Variants in REV1 observed in about 807,000 individuals in gnomAD.
The protein encoded by REV1 is REV1 DNA directed polymerase.
A neutral mutation model predicts 137.4 loss-of-function variants in REV1; 42 were observed. That is an observed-to-expected ratio of 0.31 (90% confidence interval 0.24 to 0.40). The LOEUF (loss-of-function observed/expected upper bound fraction) is 0.40, where lower values mean the gene tolerates loss of function less well. REV1 is among the 10% of genes least tolerant of loss of function. The pLI, the probability that REV1 is intolerant of heterozygous loss-of-function variation, is 1.00. For missense variants in REV1, 1,282 were observed against 1,490.1 expected, an observed-to-expected ratio of 0.86 and a Z score of 2.30; for synonymous variants, 524 against 519.2, an observed-to-expected ratio of 1.01 and a Z score of -0.12.
At chr2:99,402,034 TC>T (rs755045750) in intron 22 of REV1, among the ~76,000 whole-genome samples, 13 of 152,198 alleles carry the variant, frequency 8.5e-5, no homozygotes, top group Non-Finnish European at 1.6e-4. Flanking sequence ...CCAGCCCACT[TC>T]CTATGGTTTT....
At chr2:99,442,265 A>AG in intron 5 of REV1, 52 bp downstream of exon 5, 1 of 1,382,024 alleles carries the variant, frequency 7.2e-7, no homozygotes, top group East Asian at 2.5e-5. Context: ...AAAAAAAAAA[A>AG]AAAAAAAAAA....
intron 1 of REV1, among the ~76,000 whole-genome samples, chr2:99,470,685 C>G (rs953153288): frequency 6.6e-6 from 1 of 152,180 alleles, no homozygotes; most frequent in African/African-American, 2.4e-5. Context: ...GCCTTTGCCT[C>G]TTTTAAAACA....
intron 2 of REV1, among the ~76,000 whole-genome samples, chr2:99,463,990 A>G (rs920117014): frequency 6.6e-6 from 1 of 152,184 alleles, no homozygotes; most frequent in Non-Finnish European, 1.5e-5. Flanking sequence ...GAATTATTTC[A>G]GGTAAAAATG....
intron 9 of REV1, 139 bp from the exon 10 acceptor site, chr2:99,424,419 G>T: frequency 1.1e-6 from 1 of 927,568 alleles, no homozygotes; most frequent in Non-Finnish European, 1.6e-6. Context: ...TTAAAGATAG[G>T]CATTAAAATT....
intron 1 of REV1, among the ~76,000 whole-genome samples, chr2:99,483,476 T>C (rs1347736668): frequency 6.6e-6 from 1 of 152,130 alleles, no homozygotes; most frequent in Non-Finnish European, 1.5e-5. Flanking sequence ...CACAACCAAC[T>C]TTTTTTGCCC....
chr2:99,471,942 GC>G (rs1685469806), intron 1 of REV1, among the ~76,000 whole-genome samples: 1 of 150,278 alleles, frequency 6.7e-6, no homozygotes, highest in African/African-American at 2.5e-5. Flanking sequence ...AAGAAATTGG[GC>G]CCCCGAGCCC....
intron 2 of REV1, 33 bp downstream of exon 2, chr2:99,464,889 C>T (rs754005416): frequency 2.2e-5 from 35 of 1,588,280 alleles, no homozygotes; most frequent in South Asian, 3.3e-5. Context: ...CTAGACAGTT[C>T]GATATAATTA....
At position 99,435,857 on chromosome 2, in the gene REV1, A is replaced by G. The variant is rs1186955218; in HGVS notation, c.1298T>C (p.Ile433Thr). The G allele has an allele frequency of 6.3e-7, 1 of 1,596,366 alleles. No homozygotes were observed. Among genetic ancestry groups the G allele is most frequent in the Non-Finnish European group, 8.6e-7 (1 of 1,165,048 alleles). The change falls in exon 7 of 23, where the codon ATA becomes ACA. Residue 433 changes from isoleucine (I) to threonine (T), a missense_variant. This residue lies in a region of REV1 where 432 missense variants were observed against 438.0 expected (regional missense o/e 0.99). Coordinates refer to ENST00000258428, the MANE Select transcript of REV1 (RefSeq NM_016316.4). ...DMDCFFVSVGIRNRPDLKGKP... is the reference protein window; with the variant it reads ...DMDCFFVSVGTRNRPDLKGKP... The stretch of plus-strand genomic sequence containing the variant: ...ACCTTTGAGATCTGGTCTATTTCGT[A>G]TACCCACTGATACAAAGAAGCAATC...
At chr2:99,407,962 GAGCA>G (rs1305923776) in intron 15 of REV1, 63 bp downstream of exon 15, 2 of 962,830 alleles carry the variant, frequency 2.1e-6, no homozygotes, top group Non-Finnish European at 3.0e-6. Context: ...ACCCTTTTGA[GAGCA>G]AGCCTCAAAA....
At chr2:99,427,771 A>AT (rs922893737) in intron 9 of REV1, among the ~76,000 whole-genome samples, 8 of 149,850 alleles carry the variant, frequency 5.3e-5, no homozygotes, top group African/African-American at 1.5e-4. Context: ...TTACGGCTGC[A>AT]TTTTTTTTTT....
chr2:99,433,477 G>C (rs1318456561), intron 8 of REV1, among the ~76,000 whole-genome samples: 3 of 152,100 alleles, frequency 2.0e-5, no homozygotes, highest in Non-Finnish European at 4.4e-5. Context: ...CCCAAAAAAG[G>C]TCCTCAGAGA....
intron 12 of REV1, among the ~76,000 whole-genome samples, chr2:99,418,053 C>T (rs993572833): frequency 2.6e-5 from 4 of 152,114 alleles, no homozygotes; most frequent in East Asian, 1.9e-4. Context: ...CCATTTCTGT[C>T]GTTTAATATT....
At chr2:99,467,576 C>G (rs1684947367) in intron 1 of REV1, among the ~76,000 whole-genome samples, 1 of 152,148 alleles carries the variant, frequency 6.6e-6, no homozygotes, top group South Asian at 2.1e-4. Context: ...GGCTGGGAGA[C>G]TGGGCAAAGT....
chr2:99,439,846 T>G (rs1157159751), intron 5 of REV1, among the ~76,000 whole-genome samples: 1 of 152,220 alleles, frequency 6.6e-6, no homozygotes, highest in Non-Finnish European at 1.5e-5. Context: ...ATTCCTAGTT[T>G]TAGTTTTTAT....
At chr2:99,465,055 A>G in intron 1 of REV1, 70 bp from the exon 2 acceptor site, 1 of 1,240,206 alleles carries the variant, frequency 8.1e-7, no homozygotes, top group Non-Finnish European at 1.2e-6. Context: ...ATTTTATTTC[A>G]ATATCAAGAA....
At chr2:99,460,370 T>A (rs1045711609) in intron 3 of REV1, among the ~76,000 whole-genome samples, 1 of 152,170 alleles carries the variant, frequency 6.6e-6, no homozygotes, top group African/African-American at 2.4e-5. Flanking sequence ...CCACCGTGCC[T>A]GGCCTGAAAA....
rs1476936133 is a variant in REV1, at chr2:99,489,977, C to A, written c.-171G>T. The stretch of plus-strand genomic sequence containing the variant: ...CAGCGCCGCGGTCCACGCTCCCCCA[C>A]GCTCGCGGCAACCAACCCCGCGCGC... On this transcript the variant is annotated 5_prime_UTR_variant, in exon 1 of 23. Transcript: ENST00000258428. 3 of 150,110 alleles carry A rather than the reference C, an allele frequency of 2.0e-5. No individual in the cohort carries two copies. The highest frequency in any genetic ancestry group is 3.0e-5 in the Non-Finnish European group (2 of 67,320). The allele number at this position is 150,110 out of a possible 1,614,324, so 9.3% of individuals were successfully genotyped here.
At chr2:99,447,718 T>C (rs9973846) in intron 4 of REV1, among the ~76,000 whole-genome samples, 24,449 of 149,870 alleles carry the variant, frequency 0.16, 2,437 homozygotes, top group African/African-American at 0.27. Flanking sequence ...TGCATAAAGT[T>C]TTTTTTTTTT....
chr2:99,445,933 T>A (rs1682146030), intron 4 of REV1, among the ~76,000 whole-genome samples: 1 of 152,182 alleles, frequency 6.6e-6, no homozygotes, highest in African/African-American at 2.4e-5. Flanking sequence ...AAAAACTAAT[T>A]ATTCAGAAGA....
Sources: allele counts gnomAD v4.1 joint callset (sites outside exome capture counted in the v4.1 genomes callset), GRCh38; gene constraint gnomAD v4.1.1; regional missense constraint gnomAD v4.1.1; transcripts MANE v1.5; gene names NCBI Gene and HGNC (gene_info 2026-07-23, HGNC 2026-07-21).